Variants in CPED1 observed in about 807,000 individuals in gnomAD.
The protein encoded by CPED1 is cadherin like and PC-esterase domain containing 1.
Under a neutral mutation model 128.2 loss-of-function variants are expected in CPED1, and 114 were observed. The ratio of observed to expected loss-of-function variants is 0.89; its 90% CI spans 0.76 to 1.04. CPED1 has a LOEUF of 1.04. Among genes scored for constraint, CPED1 ranks in the 50% least tolerant of loss-of-function variants. The pLI, the probability that CPED1 is intolerant of heterozygous loss-of-function variation, is 0.00. For missense variants in CPED1, 1,211 were observed against 1,207.1 expected, an observed-to-expected ratio of 1.00 and a Z score of -0.05; for synonymous variants, 462 against 426.7, an observed-to-expected ratio of 1.08 and a Z score of -1.02.
At chr7:121,234,323 G>A (rs757870239) in intron 16 of CPED1, among the ~76,000 whole-genome samples, 2 of 151,774 alleles carry the variant, frequency 1.3e-5, no homozygotes, top group African/African-American at 4.8e-5. Context: ...TCACACAGCC[G>A]GTTCATGAAT....
At chr7:120,996,366 A>C (rs1392199302) in intron 2 of CPED1, among the ~76,000 whole-genome samples, 4 of 152,194 alleles carry the variant, frequency 2.6e-5, no homozygotes, top group Non-Finnish European at 5.9e-5. Context: ...TTAACCTCTT[A>C]ACCATTTGTG....
intron 22 of CPED1, among the ~76,000 whole-genome samples, chr7:121,286,803 A>T (rs1792588387): frequency 6.6e-6 from 1 of 152,184 alleles, no homozygotes; most frequent in African/African-American, 2.4e-5. Flanking sequence ...CACCTGGTGT[A>T]TTAGTCCATT....
chr7:121,105,832 C>A (rs1237164471), intron 7 of CPED1, among the ~76,000 whole-genome samples: 5 of 152,082 alleles, frequency 3.3e-5, no homozygotes. Context: ...TTCCTTCATT[C>A]CCAACTTGGT....
chr7:121,253,473 TA>T (rs144017229), intron 18 of CPED1, among the ~76,000 whole-genome samples: 15,636 of 150,992 alleles, frequency 0.1, 1,069 homozygotes, highest in African/African-American at 0.19. Flanking sequence ...AATAATAAAA[TA>T]AAAAAAAGGA....
chr7:121,051,092 C>T, intron 4 of CPED1: 1 of 526,022 alleles, frequency 1.9e-6, no homozygotes, highest in South Asian at 1.5e-5. Flanking sequence ...GGAAAACAGG[C>T]CAAAGTGGCA....
At chr7:121,295,140 AACACACACACACACACACACAC>A (rs35927183) in intron 22 of CPED1, among the ~76,000 whole-genome samples, 1 of 145,786 alleles carries the variant, frequency 6.9e-6, no homozygotes, top group Non-Finnish European at 1.5e-5. Context: ...CTGGCCTGAA[AACACACACACACACACACACAC>A]ACACACACAC....
At chr7:121,288,433 AC>A (rs1792628535) in intron 22 of CPED1, among the ~76,000 whole-genome samples, 1 of 152,140 alleles carries the variant, frequency 6.6e-6, no homozygotes, top group Non-Finnish European at 1.5e-5. Context: ...GCTACAAGTA[AC>A]CCCATCATCC....
chr7:121,112,524 A>T (rs1452399100), intron 7 of CPED1, among the ~76,000 whole-genome samples: 1 of 152,202 alleles, frequency 6.6e-6, no homozygotes, highest in African/African-American at 2.4e-5. Context: ...TGTCCCTAAC[A>T]GCTTTAAGAG....
At chr7:121,222,440 C>T (rs1797902656) in intron 16 of CPED1, among the ~76,000 whole-genome samples, 1 of 152,028 alleles carries the variant, frequency 6.6e-6, no homozygotes, top group Non-Finnish European at 1.5e-5. Flanking sequence ...GCATTGTGGG[C>T]TCTTTTTTGG....
At chr7:121,266,176 G>C in intron 18 of CPED1, 51 bp from the exon 19 acceptor site, 1 of 1,388,010 alleles carries the variant, frequency 7.2e-7, no homozygotes, top group Non-Finnish European at 1.0e-6. Flanking sequence ...ACTATCTCCT[G>C]TACCATGTAA....
chr7:120,997,432 C>T lies in CPED1; in HGVS notation c.249+7562C>T, dbSNP rs77087646. Reference sequence around the variant, plus strand: ...TATGTCCTTTCTATTTTATTATAGCCCCATATGCTAACTCCATTCATTGGT... The same window carrying T: ...TATGTCCTTTCTATTTTATTATAGCTCCATATGCTAACTCCATTCATTGGT... On this transcript the variant is annotated intron_variant, in intron 2 of 22. Transcript: ENST00000310396. Among the ~76,000 whole-genome samples, 775 of 152,216 alleles carry T rather than the reference C, an allele frequency of 5.1e-3. 5 individuals carry two copies. Among genetic ancestry groups the T allele is most frequent in the Non-Finnish European group, 7.5e-3 (509 of 68,020 alleles).
intron 5 of CPED1, among the ~76,000 whole-genome samples, chr7:121,075,085 A>G (rs1794089661): frequency 2.0e-5 from 3 of 152,116 alleles, no homozygotes; most frequent in African/African-American, 7.2e-5. Context: ...TCTTGGGAGC[A>G]TTTTCAGCAT....
At chr7:121,275,826 G>T (rs575865901) in intron 22 of CPED1, among the ~76,000 whole-genome samples, 2 of 151,258 alleles carry the variant, frequency 1.3e-5, no homozygotes, top group African/African-American at 2.4e-5. Context: ...TTAAATAAAA[G>T]ATTATTTGGC....
At chr7:121,135,534 TGA>T (rs1478395513) in intron 13 of CPED1, among the ~76,000 whole-genome samples, 1 of 152,094 alleles carries the variant, frequency 6.6e-6, no homozygotes, top group African/African-American at 2.4e-5. Flanking sequence ...AGTGAAGAGC[TGA>T]GAGAAACTGC....
intron 18 of CPED1, among the ~76,000 whole-genome samples, chr7:121,255,216 C>G (rs1174095913): frequency 5.3e-5 from 8 of 152,044 alleles, no homozygotes; most frequent in Non-Finnish European, 1.2e-4. Flanking sequence ...ACACTACAAC[C>G]AAGTAGGCAT....
Position 121,013,508 on chromosome 7 carries a change from C to T in CPED1, c.250-2157C>T, listed in dbSNP as rs76359383. Among the ~76,000 whole-genome samples, 905 of 152,274 alleles carry T rather than the reference C, an allele frequency of 5.9e-3. 8 individuals are homozygous for T. The highest frequency in any genetic ancestry group is 0.021 in the African/African-American group (862 of 41,552). On this transcript the variant is annotated intron_variant, in intron 2 of 22. Transcript: ENST00000310396. ...CAAACTCACAAGCAGTTTTTCCAGA[C>T]TCATTGTTCTTTGTGATATATTATT...
chr7:121,017,996 T>C (rs929925926), intron 3 of CPED1, among the ~76,000 whole-genome samples: 2 of 152,194 alleles, frequency 1.3e-5, no homozygotes, highest in Admixed American at 6.5e-5. Flanking sequence ...TCTTTTACTG[T>C]GTATAATAAG....
At chr7:121,253,672 C>T (rs1024271353) in intron 18 of CPED1, among the ~76,000 whole-genome samples, 2 of 151,954 alleles carry the variant, frequency 1.3e-5, no homozygotes, top group South Asian at 4.2e-4. Flanking sequence ...CATTTTCTGT[C>T]TTCAAGAGAC....
At chr7:121,228,538 G>A (rs572508560) in intron 16 of CPED1, among the ~76,000 whole-genome samples, 1 of 142,494 alleles carries the variant, frequency 7.0e-6, no homozygotes, top group Non-Finnish European at 1.5e-5. Context: ...ACTCTTGGTG[G>A]GAATATAAAC....
Sources: allele counts gnomAD v4.1 joint callset (sites outside exome capture counted in the v4.1 genomes callset), GRCh38; gene constraint gnomAD v4.1.1; transcripts MANE v1.5; gene names NCBI Gene and HGNC (gene_info 2026-07-23, HGNC 2026-07-21).